The following SLC19A1 variants were observed in gnomAD, a reference collection of about 807,000 sequenced individuals.
SLC19A1 encodes the protein reduced folate transporter.
In SLC19A1, 37 loss-of-function variants were observed where a neutral mutation model predicts 35.3. The observed-to-expected ratio is 1.05, with a 90% confidence interval of 0.81 to 1.38. The LOEUF (loss-of-function observed/expected upper bound fraction) is 1.38. Among genes scored for constraint, SLC19A1 ranks in the 40% most tolerant of loss-of-function variants. The pLI, the probability that SLC19A1 is intolerant of heterozygous loss-of-function variation, is 0.00. For synonymous variants in SLC19A1, 460 were observed against 398.5 expected (o/e 1.15, Z -1.84); for missense variants, 831 against 826.9 (o/e 1.00, Z -0.06).
At chr21:45,553,673 CACACCCCATCCCAGTCCCCCA>C (rs2078493102) in intron 1 of SLC19A1, among the ~76,000 whole-genome samples, 1 of 27,380 alleles carries the variant, frequency 3.7e-5, no homozygotes, top group Non-Finnish European at 6.4e-5. Context: ...CCCAGTCCCC[CACACCCCATCCCAGTCCCCCA>C]CGCCCCATCC....
intron 4 of SLC19A1, among the ~76,000 whole-genome samples, chr21:45,526,179 G>A (rs2077612178): frequency 6.6e-6 from 1 of 152,236 alleles, no homozygotes; most frequent in Non-Finnish European, 1.5e-5. Flanking sequence ...GCCATTCTGG[G>A]AGCTGCCGTG....
chr21:45,531,292 C>CGGGAGA, intron 3 of SLC19A1, 97 bp downstream of exon 3: 1 of 1,150,498 alleles, frequency 8.7e-7, no homozygotes, highest in Non-Finnish European at 1.1e-6. Context: ...GGGCAGGGGG[C>CGGGAGA]GGGAGAGGGA....
At chr21:45,559,831 TG>T (rs1231706202) in intron 1 of SLC19A1, among the ~76,000 whole-genome samples, 2 of 152,340 alleles carry the variant, frequency 1.3e-5, no homozygotes, top group Middle Eastern at 3.4e-3. Context: ...GCTGTCAAAA[TG>T]GCCCCCAGTG....
At chr21:45,510,938 AACAC>A (rs1440334117), downstream of SLC19A1, among the ~76,000 whole-genome samples, 2 of 42,038 alleles carry the variant, frequency 4.8e-5, no homozygotes, top group South Asian at 3.1e-3. Context: ...CCCCCAAAAA[AACAC>A]ACACCCACAA....
chr21:45,523,311 A>C (rs1273370445), intron 5 of SLC19A1, among the ~76,000 whole-genome samples: 1 of 152,214 alleles, frequency 6.6e-6, no homozygotes, highest in Non-Finnish European at 1.5e-5. Flanking sequence ...TTAACTTTTT[A>C]ACCTAGAAAT....
At chr21:45,562,849 C>T (rs532020482) in exon 1 of SLC19A1, among the ~76,000 whole-genome samples, 5 of 152,146 alleles carry the variant, frequency 3.3e-5, no homozygotes, top group Admixed American at 6.5e-5. Flanking sequence ...CATGGAAGAT[C>T]CTCCTCCAGT....
intron 3 of SLC19A1, chr21:45,505,454 G>A (rs761152480): frequency 1.1e-5 from 14 of 1,321,504 alleles, no homozygotes; most frequent in Admixed American, 1.9e-5. Flanking sequence ...GCAGCCGGCT[G>A]GGCACCTGCG....
rs2037836413 is a variant in SLC19A1, at chr21:45,515,216, A to C, written c.*442T>G. On this transcript the variant is annotated 3_prime_UTR_variant, in exon 6 of 6. Transcript: ENST00000311124. ...AGCAAGAGCACCAAGGATGACCAGC[A>C]ATGTCACAGCTCAGCTACACCTGAG... 4 of 1,515,174 alleles carry C rather than the reference A, an allele frequency of 2.6e-6. No individual in the cohort carries two copies. Among genetic ancestry groups the C allele is most frequent in the Non-Finnish European group, 2.6e-6 (3 of 1,140,156 alleles). The allele number at this position is 1,515,174 out of a possible 1,614,324, so 93.9% of individuals were successfully genotyped here. A position where few individuals can be genotyped will look rare whatever the true frequency, so the allele number is the denominator to read the frequency against.
chr21:45,558,191 G>A (rs564714607), intron 1 of SLC19A1, among the ~76,000 whole-genome samples: 5 of 152,360 alleles, frequency 3.3e-5, no homozygotes, highest in East Asian at 1.9e-4. Flanking sequence ...GACTCCACAC[G>A]GCTGGTGACA....
intron 1 of SLC19A1, among the ~76,000 whole-genome samples, chr21:45,560,320 A>C (rs907847590): frequency 1.3e-5 from 2 of 152,120 alleles, no homozygotes; most frequent in African/African-American, 4.8e-5. Context: ...TCACCTTGGG[A>C]GGGTCAGGCA....
chr21:45,504,123 A>G, intron 3 of SLC19A1: 3 of 1,546,772 alleles, frequency 1.9e-6, no homozygotes, highest in Non-Finnish European at 2.7e-6. Context: ...GCTGCTCCCA[A>G]TTTCTCGCCC....
downstream of SLC19A1, chr21:45,512,336 A>G (rs765506114): frequency 2.5e-5 from 41 of 1,612,524 alleles, no homozygotes; most frequent in African/African-American, 4.3e-4. Flanking sequence ...GAGTGCCGCG[A>G]GCTGCCATCA....
intron 1 of SLC19A1, among the ~76,000 whole-genome samples, chr21:45,560,651 T>G (rs1010007818): frequency 2.0e-5 from 3 of 150,926 alleles, no homozygotes; most frequent in Non-Finnish European, 3.0e-5. Context: ...GGAGCGGAGG[T>G]TGGAGTTGGG....
chr21:45,537,967 A>T lies in SLC19A1; in HGVS notation c.-8T>A. 6.5e-7 allele frequency: 1 copy of T among 1,546,242 alleles called. No homozygotes were observed. The highest frequency in any genetic ancestry group is 1.4e-5 in the African/African-American group (1 of 74,022). On this transcript the variant is annotated 5_prime_UTR_variant, in exon 2 of 6. Transcript: ENST00000311124. ...TGGGCTGGAGGGCACCATCCTGCTCAGGCCACGTGCAGCTCCGGAGGGGAC... is the reference window on the plus strand; with the variant it reads ...TGGGCTGGAGGGCACCATCCTGCTCTGGCCACGTGCAGCTCCGGAGGGGAC...
intron 4 of SLC19A1, among the ~76,000 whole-genome samples, chr21:45,528,261 A>G (rs1436529709): frequency 6.6e-6 from 1 of 152,138 alleles, no homozygotes; most frequent in Non-Finnish European, 1.5e-5. Flanking sequence ...GCCAGCCCCC[A>G]GGGTGCTTCC....
chr21:45,511,723 G>C (rs78876783), downstream of SLC19A1, among the ~76,000 whole-genome samples: 135 of 152,254 alleles, frequency 8.9e-4, 2 homozygotes, highest in East Asian at 0.023. Flanking sequence ...GGTGTCTCGG[G>C]GTGCCACACA....
At chr21:45,562,556 C>T (rs909147820) in intron 1 of SLC19A1, among the ~76,000 whole-genome samples, 3 of 152,200 alleles carry the variant, frequency 2.0e-5, no homozygotes, top group South Asian at 2.1e-4. Context: ...GTGAAACAAA[C>T]GGGTTGAGAC....
intron 2 of SLC19A1, among the ~76,000 whole-genome samples, chr21:45,532,580 C>T (rs2077971265): frequency 6.6e-6 from 1 of 151,834 alleles, no homozygotes; most frequent in Non-Finnish European, 1.5e-5. Flanking sequence ...ATTACAGGTG[C>T]GTACCACCAT....
rs1024103715 is a variant in SLC19A1, at chr21:45,515,593, C to A, written c.*65G>T. The A allele has an allele frequency of 6.3e-6, 10 of 1,598,102 alleles. No individual in the cohort carries two copies. The highest frequency in any genetic ancestry group is 2.2e-5 in the East Asian group (1 of 44,836). ...CCCCATTGCTAAGGCAGGCGGCCCT[C>A]GAGGCAGGGGTCGTGGGGATGCACT... On this transcript the variant is annotated 3_prime_UTR_variant, in exon 6 of 6. Coordinates refer to ENST00000311124, the MANE Select transcript of SLC19A1 (RefSeq NM_194255.4).
Sources: gnomAD v4.1 joint callset for allele counts (sites outside exome capture counted in the v4.1 genomes callset) on GRCh38, gnomAD v4.1.1 for gene constraint, MANE v1.5 for transcripts, NCBI Gene and HGNC (gene_info 2026-07-23, HGNC 2026-07-21) for gene names.